NAV3: variants seen among roughly 807,000 people sequenced by gnomAD.
NAV3 encodes neuron navigator 3, also known as pore membrane and/or filament interacting like protein 1.
NAV3 carries 87 observed loss-of-function variants against 244.7 expected under a neutral mutation model. That is an observed-to-expected ratio of 0.36 (90% CI 0.30 to 0.42). The LOEUF (loss-of-function observed/expected upper bound fraction) is 0.42, where lower values mean the gene tolerates loss of function less well. NAV3 is among the 20% of genes least tolerant of loss of function. The pLI, the probability that NAV3 is intolerant of heterozygous loss-of-function variation, is 1.00. For synonymous variants in NAV3, 1,126 were observed against 1,042.2 expected (o/e 1.08, Z -1.55); for missense variants, 2,663 against 2,893.3 (o/e 0.92, Z 1.83).
chr12:78,143,373 G>C (rs1245348171), intron 20 of NAV3: 1 of 451,182 alleles, frequency 2.2e-6, no homozygotes, highest in Non-Finnish European at 4.5e-6. Context: ...GCTCATGCCG[G>C]TAATCTCAAC....
chr12:78,004,796 G>A (rs2136527135), intron 7 of NAV3, among the ~76,000 whole-genome samples: 1 of 152,246 alleles, frequency 6.6e-6, no homozygotes, highest in South Asian at 2.1e-4. Context: ...GACAGGCTGT[G>A]GACAGATTTA....
At chr12:77,828,228 T>C (rs938161050), upstream of NAV3, among the ~76,000 whole-genome samples, 1 of 152,134 alleles carries the variant, frequency 6.6e-6, no homozygotes, top group Non-Finnish European at 1.5e-5. Context: ...GCCCTTTCTG[T>C]CTCTCTTATA....
At chr12:77,696,866 T>G (rs536479255) in intron 2 of NAV3, among the ~76,000 whole-genome samples, 2 of 152,164 alleles carry the variant, frequency 1.3e-5, no homozygotes, top group Non-Finnish European at 2.9e-5. Context: ...GGTTAAAGAG[T>G]TTGACTCATG....
At chr12:78,118,442 T>C (rs754080543) in intron 14 of NAV3, 145 bp downstream of exon 14, 4 of 1,176,182 alleles carry the variant, frequency 3.4e-6, no homozygotes, top group South Asian at 1.8e-5. Context: ...AAATAGTTTT[T>C]CTGTCTACGT....
At chr12:77,971,154 G>A (rs75413761) in intron 5 of NAV3, among the ~76,000 whole-genome samples, 213 of 152,058 alleles carry the variant, frequency 1.4e-3, no homozygotes, top group African/African-American at 4.9e-3. Context: ...TAATACTCAT[G>A]GTTTTTATAC....
chr12:77,823,017 T>C (rs1327367381), intron 2 of NAV3, among the ~76,000 whole-genome samples: 2 of 152,154 alleles, frequency 1.3e-5, no homozygotes, highest in Non-Finnish European at 2.9e-5. Flanking sequence ...AAAGCAATAT[T>C]ATTCAGCCAC....
intron 9 of NAV3, among the ~76,000 whole-genome samples, chr12:78,034,331 T>C (rs1879491320): frequency 6.6e-6 from 1 of 152,172 alleles, no homozygotes; most frequent in Non-Finnish European, 1.5e-5. Context: ...CTCAGCATAG[T>C]AGTTCTCAAA....
intron 5 of NAV3, among the ~76,000 whole-genome samples, chr12:77,974,441 C>T (rs909038304): frequency 4.0e-5 from 6 of 151,078 alleles, no homozygotes; most frequent in African/African-American, 1.5e-4. Context: ...ACCACCACGG[C>T]CAGCTGTTTA....
intron 23 of NAV3, among the ~76,000 whole-genome samples, chr12:78,163,863 C>T (rs1435105919): frequency 6.6e-6 from 1 of 151,992 alleles, no homozygotes; most frequent in Non-Finnish European, 1.5e-5. Context: ...ACTTCTTCAC[C>T]AGGATTATAT....
chr12:78,092,744 C>T (rs1019052426), intron 12 of NAV3, among the ~76,000 whole-genome samples: 1 of 152,050 alleles, frequency 6.6e-6, no homozygotes, highest in East Asian at 1.9e-4. Flanking sequence ...TTGTGATCTG[C>T]CAGCCTTGGC....
chr12:77,572,017 A>T lies in NAV3; in HGVS notation c.-178A>T, dbSNP rs1868849414. ...TGGAAGGTCCTGGGAGTAAACTGCA[A>T]ACTTTATTTTTTCCATTCAATCAAT... On this transcript the variant is annotated 5_prime_UTR_variant, in exon 2 of 9. Coordinates refer to the NAV3 transcript ENST00000550042. 2.6e-5 allele frequency: 4 copies of T among 154,078 alleles called. No individual in the cohort carries two copies. In the South Asian group the frequency reaches 8.2e-4, roughly 31 times the overall value. The allele number at this position is 154,078 out of a possible 1,614,324, so 9.5% of individuals were successfully genotyped here.
chr12:77,913,716 G>T (rs1476694537), intron 1 of NAV3, among the ~76,000 whole-genome samples: 1 of 152,084 alleles, frequency 6.6e-6, no homozygotes, highest in Non-Finnish European at 1.5e-5. Context: ...AGCAAAATAA[G>T]AGTTGAGTAT....
At chr12:77,577,601 A>T (rs1869152608) in intron 2 of NAV3, among the ~76,000 whole-genome samples, 1 of 152,160 alleles carries the variant, frequency 6.6e-6, no homozygotes, top group Admixed American at 6.6e-5. Flanking sequence ...TCTTCATATA[A>T]ATGGATAAAA....
At chr12:77,736,730 G>T (rs1299802191) in intron 2 of NAV3, among the ~76,000 whole-genome samples, 1 of 152,224 alleles carries the variant, frequency 6.6e-6, no homozygotes, top group South Asian at 2.1e-4. Context: ...GGATGCCAAA[G>T]AAATTAAGTT....
chr12:77,835,135 C>T (rs1251146406), intron 1 of NAV3, among the ~76,000 whole-genome samples: 1 of 152,132 alleles, frequency 6.6e-6, no homozygotes, highest in African/African-American at 2.4e-5. Flanking sequence ...GTGGCTCACA[C>T]CTCATAGTCT....
chr12:78,058,730 G>A (rs1467920551), intron 11 of NAV3, among the ~76,000 whole-genome samples: 1 of 152,024 alleles, frequency 6.6e-6, no homozygotes, highest in East Asian at 1.9e-4. Flanking sequence ...GGGAAAAATA[G>A]GTTCTATGGT....
At chr12:77,599,205 G>A (rs990479834) in intron 2 of NAV3, among the ~76,000 whole-genome samples, 3 of 151,862 alleles carry the variant, frequency 2.0e-5, no homozygotes, top group South Asian at 2.1e-4. Flanking sequence ...GATTTTCTTC[G>A]TTTTTAATGC....
At chr12:77,865,822 C>T (rs1000806848) in intron 1 of NAV3, among the ~76,000 whole-genome samples, 1 of 150,894 alleles carries the variant, frequency 6.6e-6, no homozygotes, top group Non-Finnish European at 1.5e-5. Flanking sequence ...TGTGGTCGTT[C>T]TAATTTTTTT....
intron 28 of NAV3, among the ~76,000 whole-genome samples, chr12:78,178,165 T>G (rs1049748894): frequency 2.0e-5 from 3 of 151,210 alleles, no homozygotes; most frequent in African/African-American, 4.9e-5. Context: ...ATAGTGTTTT[T>G]TTTTTTTTTT....
Sources: gnomAD v4.1 joint callset for allele counts (sites outside exome capture counted in the v4.1 genomes callset) on GRCh38, gnomAD v4.1.1 for gene constraint, MANE v1.5 for transcripts, NCBI Gene and HGNC (gene_info 2026-07-23, HGNC 2026-07-21) for gene names.